Variants in TBC1D10A observed in about 807,000 individuals in gnomAD.
TBC1D10A encodes the protein TBC1 domain family member 10A.
TBC1D10A carries 24 observed loss-of-function variants against 52.9 expected under a neutral mutation model. That is an observed-to-expected ratio of 0.45 (90% CI 0.33 to 0.64). The LOEUF is 0.64. Ranked by LOEUF, TBC1D10A falls within the 30% of genes least tolerant of loss-of-function variation. The pLI is 0.02. For missense variants in TBC1D10A, 602 were observed against 687.9 expected (o/e 0.88, Z 1.40); for synonymous variants, 278 against 282.9 (o/e 0.98, Z 0.17).
At chr22:30,304,494 C>T in intron 2 of TBC1D10A, 37 bp downstream of exon 2, 3 of 1,613,298 alleles carry the variant, frequency 1.9e-6, no homozygotes, top group Non-Finnish European at 8.5e-7. Flanking sequence ...CCCAAGCTGC[C>T]AACTCCCAGC....
At chr22:30,312,013 A>G (rs570305533) in intron 1 of TBC1D10A, among the ~76,000 whole-genome samples, 1 of 152,258 alleles carries the variant, frequency 6.6e-6, no homozygotes, top group Admixed American at 6.5e-5. Context: ...GGCTAGTCTC[A>G]AACTCCTGGG....
chr22:30,311,673 T>C lies in TBC1D10A; in HGVS notation c.210-7043A>G, dbSNP rs192016507. Among the ~76,000 whole-genome samples the C allele has an allele frequency of 9.9e-5, 15 of 152,200 alleles. No homozygotes were observed. The East Asian group carries it at 2.7e-3, about 27-fold the overall frequency. On this transcript the variant is annotated intron_variant, in intron 1 of 8. Transcript: ENST00000215790. Reference sequence around the variant, plus strand: ...CCACCCTACTCAGTGTGAGAAATGGTTCCTTTAGCACTAGCCTTGCTGGCT... The same window carrying C: ...CCACCCTACTCAGTGTGAGAAATGGCTCCTTTAGCACTAGCCTTGCTGGCT...
intron 6 of TBC1D10A, 132 bp from the exon 7 acceptor site, chr22:30,294,242 C>T: frequency 1.0e-6 from 1 of 998,920 alleles, no homozygotes; most frequent in Non-Finnish European, 1.5e-6. Flanking sequence ...TCTGCCTCTG[C>T]CAGGTGCTAG....
At position 30,321,695 on chromosome 22, in the gene TBC1D10A, G is replaced by C. The variant is rs558137807; in HGVS notation, c.209+4978C>G. 1.4e-3 allele frequency among the ~76,000 whole-genome samples: 209 copies of C among 152,322 alleles called. 1 individual carries two copies. The highest frequency in any genetic ancestry group is 2.6e-3 in the Non-Finnish European group (177 of 68,024). ...CCTCATTTGGCCTGCAGACTGGGCGGACTGAGGCTGGATGGGAAGCTCTCA... is the reference window on the plus strand; with the variant it reads ...CCTCATTTGGCCTGCAGACTGGGCGCACTGAGGCTGGATGGGAAGCTCTCA... On this transcript the variant is annotated intron_variant, in intron 1 of 8. Coordinates refer to ENST00000215790, the MANE Select transcript of TBC1D10A (RefSeq NM_031937.3).
rs774596380 is a variant in TBC1D10A at position 30,292,665 on chromosome 22, G to A, written c.1237C>T (p.Pro413Ser). 4 of 1,610,030 alleles carry A rather than the reference G, an allele frequency of 2.5e-6. No individual in the cohort carries two copies. In the Admixed American group the frequency reaches 6.7e-5, roughly 27 times the overall value. The change falls in exon 9 of 9, where the codon CCC becomes TCC. Residue 413 changes from proline to serine, a missense_variant. Coordinates refer to ENST00000215790, the MANE Select transcript of TBC1D10A (RefSeq NM_031937.3). ...ALQPSPSIRL[P>S]LDAPLPGSKA... ...GAGCCAGGGAGGGGGGCATCTAGGG[G>A]CAGGCGGATGGATGGTGAAGGTTGT...
At chr22:30,308,308 C>CTGCATGCA (rs1230781993) in intron 1 of TBC1D10A, among the ~76,000 whole-genome samples, 61 of 81,732 alleles carry the variant, frequency 7.5e-4, no homozygotes, top group Non-Finnish European at 1.3e-3. Flanking sequence ...GCATGCCTGC[C>CTGCATGCA]TGCCTGCATG....
At chr22:30,312,770 C>T (rs1930451908) in intron 1 of TBC1D10A, among the ~76,000 whole-genome samples, 2 of 152,100 alleles carry the variant, frequency 1.3e-5, no homozygotes, top group Admixed American at 6.6e-5. Flanking sequence ...CTCATCTCTA[C>T]AAAGCCTCTC....
chr22:30,324,290 C>T (rs1029138336), intron 1 of TBC1D10A, among the ~76,000 whole-genome samples: 15 of 152,196 alleles, frequency 9.9e-5, no homozygotes, highest in Non-Finnish European at 2.1e-4. Context: ...TCCATAACTT[C>T]CCCTCTATGG....
intron 1 of TBC1D10A, among the ~76,000 whole-genome samples, chr22:30,324,806 C>G (rs976482284): frequency 1.8e-4 from 28 of 152,264 alleles, no homozygotes; most frequent in African/African-American, 6.0e-4. Flanking sequence ...TAAACAGGCT[C>G]AGAGATTCAG....
At chr22:30,323,727 A>G (rs1437908098) in intron 1 of TBC1D10A, among the ~76,000 whole-genome samples, 1 of 152,168 alleles carries the variant, frequency 6.6e-6, no homozygotes. Flanking sequence ...GCACTTCGGG[A>G]GGCTGAGGCA....
At chr22:30,304,795 A>T in intron 1 of TBC1D10A, 165 bp from the exon 2 acceptor site, 2 of 1,319,572 alleles carry the variant, frequency 1.5e-6, no homozygotes, top group South Asian at 1.6e-5. Context: ...ATGAGAGGGA[A>T]CACGCCACCT....
intron 1 of TBC1D10A, among the ~76,000 whole-genome samples, chr22:30,305,312 G>A (rs757218028): frequency 2.6e-5 from 4 of 152,246 alleles, no homozygotes; most frequent in Non-Finnish European, 4.4e-5. Flanking sequence ...TGGGGATGCC[G>A]TCCCATGATT....
chr22:30,312,565 TAAC>T (rs960773778), intron 1 of TBC1D10A, among the ~76,000 whole-genome samples: 8 of 151,864 alleles, frequency 5.3e-5, no homozygotes, highest in African/African-American at 7.3e-5. Flanking sequence ...CAAAGAACAA[TAAC>T]AACAACAACA....
At chr22:30,311,664 G>T (rs533556581) in intron 1 of TBC1D10A, among the ~76,000 whole-genome samples, 14 of 152,130 alleles carry the variant, frequency 9.2e-5, no homozygotes, top group Non-Finnish European at 1.6e-4. Context: ...TACTCAGTGT[G>T]AGAAATGGTT....
intron 1 of TBC1D10A, among the ~76,000 whole-genome samples, chr22:30,323,507 T>C (rs1335851916): frequency 6.6e-6 from 1 of 152,218 alleles, no homozygotes; most frequent in Non-Finnish European, 1.5e-5. Flanking sequence ...GCCATATTTA[T>C]GGATGGTGAA....
chr22:30,293,623 C>G, intron 8 of TBC1D10A, 28 bp downstream of exon 8: 1 of 1,586,356 alleles, frequency 6.3e-7, no homozygotes, highest in East Asian at 2.3e-5. Context: ...CCTCCCTCCC[C>G]ATGATAAGGG....
intron 1 of TBC1D10A, among the ~76,000 whole-genome samples, chr22:30,321,302 C>G (rs1163025371): frequency 6.6e-6 from 1 of 152,188 alleles, no homozygotes; most frequent in African/African-American, 2.4e-5. Flanking sequence ...ACAAATGCCT[C>G]CTTCCAGATG....
Position 30,294,083 on chromosome 22 carries a change from G to A in TBC1D10A, c.733C>T (p.Leu245Phe), listed in dbSNP as rs1337825996. 2.5e-5 allele frequency: 40 copies of A among 1,614,018 alleles called. No individual in the cohort carries two copies. Among genetic ancestry groups the A allele is most frequent in the Middle Eastern group, 1.6e-4 (1 of 6,062 alleles). ...LEAIQLDGEI[L>F]FSLLQKVSPV... Reference sequence around the variant, plus strand: ...GACACCTTCTGCAACAGCGAGAAAAGGATCTCCCCGTCCAGCTGGATCGCC... The same window carrying A: ...GACACCTTCTGCAACAGCGAGAAAAAGATCTCCCCGTCCAGCTGGATCGCC... The change falls in exon 7 of 9, where the codon CTT becomes TTT. Residue 245 changes from leucine to phenylalanine, a missense_variant. Transcript: ENST00000215790.
Position 30,292,408 on chromosome 22 carries a change from C to G in TBC1D10A, c.1494G>C (p.Leu498Phe). ...AGGTGTCCTCACTCTCTTGGGACGT[C>G]AAGCTCTCCTGGGAGCGGTGGTGGG... ...VSAHHRSQES[L>F]TSQESEDTYL The change falls in exon 9 of 9, where the codon TTG becomes TTC. Residue 498 changes from leucine to phenylalanine, a missense_variant. This residue lies in a region of TBC1D10A where 265 missense variants were observed against 275.1 expected (regional missense o/e 0.96). Coordinates refer to ENST00000215790, the MANE Select transcript of TBC1D10A (RefSeq NM_031937.3). 2 of 1,576,640 alleles carry G rather than the reference C, an allele frequency of 1.3e-6. No individual in the cohort carries two copies. The highest frequency in any genetic ancestry group is 1.7e-6 in the Non-Finnish European group (2 of 1,160,936).
Sources: allele counts gnomAD v4.1 joint callset (sites outside exome capture counted in the v4.1 genomes callset), GRCh38; gene constraint gnomAD v4.1.1; regional missense constraint gnomAD v4.1.1; transcripts MANE v1.5; gene names NCBI Gene and HGNC (gene_info 2026-07-23, HGNC 2026-07-21).